Variants in CHD6 observed in about 807,000 individuals in gnomAD.
The protein encoded by CHD6 is ATP-dependent chromatin remodeler CHD6.
A neutral mutation model predicts 276.9 loss-of-function variants in CHD6; 50 were observed. That is an observed-to-expected ratio of 0.18 (90% CI 0.14 to 0.23). The LOEUF (loss-of-function observed/expected upper bound fraction) is 0.23. Ranked by LOEUF, CHD6 falls within the 10% of genes least tolerant of loss-of-function variation. The pLI, the probability that CHD6 is intolerant of heterozygous loss-of-function variation, is 1.00. For synonymous variants in CHD6, 1,173 were observed against 1,229.3 expected (o/e 0.95, Z 0.96); for missense variants, 2,564 against 3,365.8 (o/e 0.76, Z 5.89).
At chr20:41,576,299 G>A (rs1244700945) in intron 1 of CHD6, among the ~76,000 whole-genome samples, 1 of 152,160 alleles carries the variant, frequency 6.6e-6, no homozygotes, top group African/African-American at 2.4e-5. Context: ...TAAGAAATAC[G>A]TTGTCTTTAA....
intron 1 of CHD6, among the ~76,000 whole-genome samples, chr20:41,552,325 A>G (rs1012125563): frequency 2.6e-5 from 4 of 152,238 alleles, no homozygotes; most frequent in South Asian, 2.1e-4. Context: ...CAAATTACCC[A>G]TAAGTTTCCT....
At position 41,440,052 on chromosome 20, in the gene CHD6, A is replaced by T. The variant is rs199742015; in HGVS notation, c.3955T>A (p.Ser1319Thr). 2.6e-4 allele frequency: 414 copies of T among 1,613,990 alleles called. No homozygotes were observed. The highest frequency in any genetic ancestry group is 5.2e-5 in the Non-Finnish European group (61 of 1,179,926). Reference protein sequence around the residue: ...LEKVGMPDEKSLSAEQGVTDG... With the variant: ...LEKVGMPDEKTLSAEQGVTDG... ...GTAACACCCTGTTCTGCAGAAAGGG[A>T]CTTCTCATCGGGCATCCCAACTTTC... Residue 1319 changes from serine to threonine, a missense_variant, in exon 26 of 37, where the codon TCC (serine) becomes ACC (threonine). Ser to Thr is a moderately conservative substitution (Grantham distance 58, BLOSUM62 1). Around this residue, in one of 7 missense-constraint regions of CHD6, gnomAD observed 515 missense variants for 739.5 expected, o/e 0.70. Transcript: ENST00000373233.
chr20:41,547,746 A>G, intron 2 of CHD6: 2 of 553,526 alleles, frequency 3.6e-6, no homozygotes, highest in Admixed American at 3.8e-5. Flanking sequence ...TTTTGATGAG[A>G]TTGTCAACAC....
Position 41,451,004 on chromosome 20 carries a change from G to A in CHD6, c.3625C>T (p.Pro1209Ser). 1 of 1,613,894 alleles carries A rather than the reference G, an allele frequency of 6.2e-7. No individual in the cohort carries two copies. Among genetic ancestry groups the A allele is most frequent in the Non-Finnish European group, 8.5e-7 (1 of 1,179,792 alleles). The change falls in exon 23 of 37, where the codon CCC (proline) becomes TCC (serine). Residue 1209 changes from proline (P) to serine (S), a missense_variant. Pro to Ser is a moderately conservative substitution (Grantham distance 74). Coordinates refer to ENST00000373233, the MANE Select transcript of CHD6 (RefSeq NM_032221.5). ...KDADWLATCN[P>S]EVVLHDDGYK... ...CCATCATCATGCAAGACCACCTCGGGGTTGCAGGTGGCTAGCCAATCTGCA... is the reference window on the plus strand; with the variant it reads ...CCATCATCATGCAAGACCACCTCGGAGTTGCAGGTGGCTAGCCAATCTGCA...
At chr20:41,578,987 G>T (rs945340067) in intron 1 of CHD6, among the ~76,000 whole-genome samples, 1 of 151,630 alleles carries the variant, frequency 6.6e-6, no homozygotes, top group East Asian at 1.9e-4. Flanking sequence ...AAAATTAGCT[G>T]GGTGTGGTGG....
At position 41,455,811 on chromosome 20, in the gene CHD6, T is replaced by C; in HGVS notation, c.2998A>G (p.Thr1000Ala). Residue 1000 changes from threonine (T) to alanine (A), a missense_variant, in exon 19 of 37, where the codon ACT becomes GCT. Thr to Ala is a moderately conservative substitution (Grantham distance 58). Coordinates refer to ENST00000373233, the MANE Select transcript of CHD6 (RefSeq NM_032221.5). Reference protein sequence around the residue: ...ITIQSEGKGSTFAKASFVASG... With the variant: ...ITIQSEGKGSAFAKASFVASG... ...AGAAGGCCCTGTACCTTGGCAAAAG[T>C]GGACCCTTTCCCCTCAGACTGGATG... is the stretch of plus-strand genomic sequence containing the variant. 6.3e-7 allele frequency: 1 copy of C among 1,587,848 alleles called. No homozygotes were observed. The highest frequency in any genetic ancestry group is 1.8e-5 in the Admixed American group (1 of 55,676).
intron 1 of CHD6, among the ~76,000 whole-genome samples, chr20:41,609,859 T>TC: frequency 7.6e-6 from 1 of 132,166 alleles, no homozygotes; most frequent in Non-Finnish European, 1.5e-5. Context: ...TTTTTTCTTT[T>TC]TTTTTTTTTT....
At chr20:41,583,351 T>A (rs539550471) in intron 1 of CHD6, among the ~76,000 whole-genome samples, 4 of 152,152 alleles carry the variant, frequency 2.6e-5, no homozygotes, top group Non-Finnish European at 5.9e-5. Flanking sequence ...CTCATCAGAT[T>A]TTTTGCAATC....
intron 16 of CHD6, among the ~76,000 whole-genome samples, chr20:41,481,545 T>C (rs757438257): frequency 5.3e-4 from 80 of 152,126 alleles, no homozygotes; most frequent in Middle Eastern, 3.4e-3. Flanking sequence ...GATTAAGAAG[T>C]AAAAACAATA....
chr20:41,450,688 A>G (rs1695483335), intron 23 of CHD6, among the ~76,000 whole-genome samples: 1 of 152,192 alleles, frequency 6.6e-6, no homozygotes, highest in Admixed American at 6.5e-5. Context: ...GAGTCAAAAT[A>G]GAAAAATCCT....
rs528975951 is a variant in CHD6, at chr20:41,516,784, T to C, written c.555-1832A>G. On this transcript the variant is annotated intron_variant, in intron 3 of 36. Transcript: ENST00000373233. ...ACTTCATTCTGCGTGAAAAGGGCCA[T>C]GAAAGCAGGTCCAGGAAAGAGGGAA... Among the ~76,000 whole-genome samples the C allele has an allele frequency of 2.3e-4, 35 of 152,068 alleles. 1 individual carries two copies. The South Asian group carries it at 2.9e-3, about 13-fold the overall frequency.
chr20:41,599,670 G>A (rs1217084084), intron 1 of CHD6, among the ~76,000 whole-genome samples: 2 of 152,184 alleles, frequency 1.3e-5, no homozygotes, highest in Admixed American at 6.5e-5. Context: ...TCAAGAGGGG[G>A]AAATCTGCCA....
Position 41,483,469 on chromosome 20 carries a change from C to G in CHD6, c.2308G>C (p.Ala770Pro). The G allele has an allele frequency of 6.2e-7, 1 of 1,613,624 alleles. No individual in the cohort carries two copies. Among genetic ancestry groups the G allele is most frequent in the African/African-American group, 1.3e-5 (1 of 75,000 alleles). The change falls in exon 16 of 37, where the codon GCC becomes CCC. Residue 770 changes from alanine (A) to proline (P), a missense_variant. By Grantham distance (27) the Ala-to-Pro change is conservative (BLOSUM62 -1). Coordinates refer to ENST00000373233, the MANE Select transcript of CHD6 (RefSeq NM_032221.5). ...EDFRKTHSPD[A>P]PDFQLQAMIQ... is the part of the protein sequence containing the mutation. Reference sequence around the variant, plus strand: ...ATGGCCTGCAGCTGAAAGTCAGGGGCATCAGGGCTGTGGGTTTTTCGGAAA... The same window carrying G: ...ATGGCCTGCAGCTGAAAGTCAGGGGGATCAGGGCTGTGGGTTTTTCGGAAA...
At chr20:41,497,576 A>G (rs2043718110) in intron 7 of CHD6, 75 bp from the exon 8 acceptor site, 3 of 951,460 alleles carry the variant, frequency 3.2e-6, no homozygotes, top group Admixed American at 1.7e-5. Flanking sequence ...TTCAATAAAC[A>G]CGGTGACCAC....
chr20:41,412,884 A>G (rs2046883506), intron 35 of CHD6, among the ~76,000 whole-genome samples: 1 of 152,148 alleles, frequency 6.6e-6, no homozygotes, highest in Non-Finnish European at 1.5e-5. Flanking sequence ...ACCGTCCCCC[A>G]ACCACCGCAA....
In CHD6 at chr20:41,453,774, T is replaced by C. The variant is rs113523857; in HGVS notation, c.3121-832A>G. ...ACACTGTGAAACACTTAGAACAGGTTACTAAAGGGGACTGCAGGATCTTCT... is the reference window on the plus strand; with the variant it reads ...ACACTGTGAAACACTTAGAACAGGTCACTAAAGGGGACTGCAGGATCTTCT... On this transcript the variant is annotated intron_variant, in intron 20 of 36. Transcript: ENST00000373233. Among the ~76,000 whole-genome samples, 1,150 of 152,322 alleles carry C rather than the reference T, an allele frequency of 7.5e-3. 17 individuals are homozygous for C. Among genetic ancestry groups the C allele is most frequent in the African/African-American group, 0.026 (1,087 of 41,568 alleles).
At chr20:41,595,741 T>C (rs1204745978) in intron 1 of CHD6, among the ~76,000 whole-genome samples, 1 of 151,878 alleles carries the variant, frequency 6.6e-6, no homozygotes, top group Non-Finnish European at 1.5e-5. Context: ...AAGCAACAAA[T>C]GATAAAATAT....
At position 41,412,234 on chromosome 20, in the gene CHD6, C is replaced by T; in HGVS notation, c.7161G>A (p.Arg2387=). ...ATTTTCCAGGTTCTTTACAGCGTGG[C>T]CTCCTCTGCTTTGGTTTGTCTGAAA... ...ANFSDKPKQR[R]PRCKEPGKLD... The change falls in exon 36 of 37, where the codon AGG becomes AGA. Residue 2387 remains arginine (R), a synonymous_variant. Transcript: ENST00000373233. The T allele has an allele frequency of 1.2e-6, 2 of 1,614,194 alleles. No individual in the cohort carries two copies. The highest frequency in any genetic ancestry group is 1.7e-6 in the Non-Finnish European group (2 of 1,180,002).
chr20:41,412,380 G>C, intron 35 of CHD6, 117 bp from the exon 36 acceptor site: 1 of 1,209,148 alleles, frequency 8.3e-7, no homozygotes, highest in Non-Finnish European at 1.2e-6. Context: ...CTGCACAGGA[G>C]CTGGCCAGGT....
Sources: allele counts gnomAD v4.1 joint callset (sites outside exome capture counted in the v4.1 genomes callset), GRCh38; gene constraint gnomAD v4.1.1; regional missense constraint gnomAD v4.1.1; transcripts MANE v1.5; gene names NCBI Gene and HGNC (gene_info 2026-07-23, HGNC 2026-07-21).